Variants in HOMER2 observed in about 807,000 individuals in gnomAD.
HOMER2 encodes homer protein homolog 2.
Under a neutral mutation model 47.0 loss-of-function variants are expected in HOMER2, and 27 were observed. The ratio of observed to expected loss-of-function variants is 0.57; its 90% CI spans 0.42 to 0.79. The LOEUF (loss-of-function observed/expected upper bound fraction) is 0.79. Among genes scored for constraint, HOMER2 ranks in the 30% least tolerant of loss-of-function variants. The pLI, the probability that HOMER2 is intolerant of heterozygous loss-of-function variation, is 0.00. For missense variants in HOMER2, 443 were observed against 435.0 expected, an observed-to-expected ratio of 1.02 and a Z score of -0.16; for synonymous variants, 161 against 163.8, an observed-to-expected ratio of 0.98 and a Z score of 0.13.
chr15:82,847,849 A>G (rs1031226210), downstream of HOMER2, among the ~76,000 whole-genome samples: 3 of 151,976 alleles, frequency 2.0e-5, no homozygotes, highest in Non-Finnish European at 4.4e-5. Context: ...CACGGGGCTG[A>G]CTCATAGCCA....
chr15:82,860,791 G>A (rs976922745), intron 4 of HOMER2, among the ~76,000 whole-genome samples: 1 of 151,918 alleles, frequency 6.6e-6, no homozygotes, highest in Admixed American at 6.6e-5. Context: ...ACAAAAATTA[G>A]CCAGACATGG....
At chr15:82,897,409 A>G (rs1324835795) in intron 1 of HOMER2, among the ~76,000 whole-genome samples, 1 of 152,018 alleles carries the variant, frequency 6.6e-6, no homozygotes, top group Admixed American at 6.6e-5. Context: ...CCTCTCAGCC[A>G]TTATGTTATT....
chr15:82,982,521 A>G (rs1421034524), intron 1 of HOMER2, among the ~76,000 whole-genome samples: 1 of 152,226 alleles, frequency 6.6e-6, no homozygotes, highest in Non-Finnish European at 1.5e-5. Context: ...ACAAATTTAC[A>G]GGAAAGAAAA....
chr15:82,921,169 A>T (rs1025440047), intron 1 of HOMER2, among the ~76,000 whole-genome samples: 1 of 151,780 alleles, frequency 6.6e-6, no homozygotes, highest in Non-Finnish European at 1.5e-5. Context: ...GGTGGCACAC[A>T]CCTGTAATCC....
intron 1 of HOMER2, among the ~76,000 whole-genome samples, chr15:82,902,873 ATTTTG>A (rs1567043565): frequency 2.0e-5 from 3 of 150,638 alleles, no homozygotes; most frequent in African/African-American, 7.5e-5. Context: ...GCTGAAAATA[ATTTTG>A]TTTTATTCTG....
At chr15:82,900,260 A>T (rs1567042031) in intron 1 of HOMER2, among the ~76,000 whole-genome samples, 2 of 152,018 alleles carry the variant, frequency 1.3e-5, no homozygotes, top group Admixed American at 1.3e-4. Flanking sequence ...TGAATTTCTA[A>T]TGCATTCCAG....
At chr15:82,843,232 A>C (rs2051194277) in exon 2 of HOMER2, 1 of 152,136 alleles carries the variant, frequency 6.6e-6, no homozygotes, top group Admixed American at 6.5e-5. Flanking sequence ...GCCTGAGTTC[A>C]GGAGTTCGAG....
intron 1 of HOMER2, among the ~76,000 whole-genome samples, chr15:82,939,884 G>C (rs1183126788): frequency 6.6e-6 from 1 of 151,978 alleles, no homozygotes; most frequent in East Asian, 1.9e-4. Flanking sequence ...ATACTACGCA[G>C]CAATAAAAAA....
chr15:82,848,796 G>A (rs1216835987), downstream of HOMER2, among the ~76,000 whole-genome samples: 1 of 152,202 alleles, frequency 6.6e-6, no homozygotes, highest in Non-Finnish European at 1.5e-5. Flanking sequence ...CCAGGGGCCT[G>A]AGACCAGCTC....
chr15:82,875,458 C>T, intron 2 of HOMER2, 54 bp from the exon 3 acceptor site: 3 of 1,592,346 alleles, frequency 1.9e-6, no homozygotes, highest in Non-Finnish European at 2.6e-6. Context: ...GAGACAAAGT[C>T]ATTCCTTAGA....
intron 4 of HOMER2, among the ~76,000 whole-genome samples, chr15:82,863,234 C>T (rs959647649): frequency 3.3e-5 from 5 of 152,160 alleles, no homozygotes; most frequent in African/African-American, 1.2e-4. Flanking sequence ...TCCTTCACAG[C>T]CCCCTCGACA....
chr15:82,847,226 C>T (rs949281034), downstream of HOMER2: 6 of 152,212 alleles, frequency 3.9e-5, no homozygotes, highest in Non-Finnish European at 8.8e-5. Flanking sequence ...AAGGGAACAC[C>T]GTCCAGGTTG....
At chr15:82,871,429 TC>T (rs2052172653) in intron 3 of HOMER2, among the ~76,000 whole-genome samples, 1 of 152,208 alleles carries the variant, frequency 6.6e-6, no homozygotes, top group African/African-American at 2.4e-5. Flanking sequence ...AGCCTGGCTG[TC>T]CCCTCAGCAC....
intron 1 of HOMER2, among the ~76,000 whole-genome samples, chr15:82,941,967 G>A (rs1276892627): frequency 1.3e-5 from 2 of 152,136 alleles, no homozygotes; most frequent in Admixed American, 1.3e-4. Flanking sequence ...GAATGGCCAG[G>A]CAAAGACTGG....
chr15:82,978,645 G>A (rs2030288391), intron 1 of HOMER2, among the ~76,000 whole-genome samples: 2 of 152,208 alleles, frequency 1.3e-5, no homozygotes, highest in South Asian at 4.1e-4. Flanking sequence ...TGTGTTGTGG[G>A]AGGGAGGTAA....
At chr15:82,934,086 A>G (rs1478791651) in intron 1 of HOMER2, among the ~76,000 whole-genome samples, 2 of 152,118 alleles carry the variant, frequency 1.3e-5, no homozygotes, top group South Asian at 4.2e-4. Context: ...TTCATGCCTT[A>G]CTGGAAACCA....
downstream of HOMER2, chr15:82,835,941 T>C (rs1282540574): frequency 6.6e-6 from 1 of 152,256 alleles, no homozygotes; most frequent in Non-Finnish European, 1.5e-5. Context: ...AGTTTGGCAT[T>C]GTTTGTAATT....
intron 2 of HOMER2, among the ~76,000 whole-genome samples, chr15:82,892,358 G>A (rs929999604): frequency 6.6e-6 from 1 of 152,152 alleles, no homozygotes; most frequent in African/African-American, 2.4e-5. Flanking sequence ...GTGAACAATT[G>A]AGGATATTTG....
intron 5 of HOMER2, among the ~76,000 whole-genome samples, chr15:82,857,534 A>C (rs1399371409): frequency 2.8e-5 from 4 of 143,736 alleles, no homozygotes; most frequent in Admixed American, 2.3e-4. Flanking sequence ...GGGTTCAAGT[A>C]ATTCTCCTGC....
Sources: gnomAD v4.1 joint callset for allele counts (sites outside exome capture counted in the v4.1 genomes callset) on GRCh38, gnomAD v4.1.1 for gene constraint, MANE v1.5 for transcripts, NCBI Gene and HGNC (gene_info 2026-07-23, HGNC 2026-07-21) for gene names.